Variants in MCC observed in about 807,000 individuals in gnomAD.
MCC encodes MCC regulator of Wnt signaling pathway.
MCC carries 90 observed loss-of-function variants against 116.2 expected under a neutral mutation model. The observed-to-expected ratio is 0.77, with a 90% CI of 0.65 to 0.92. The LOEUF (loss-of-function observed/expected upper bound fraction) is 0.92. MCC is among the 40% of genes least tolerant of loss of function. MCC has a pLI of 0.00. For missense variants in MCC, 1,516 were observed against 1,312.2 expected, an observed-to-expected ratio of 1.16 and a Z score of -2.40; for synonymous variants, 578 against 510.5, an observed-to-expected ratio of 1.13 and a Z score of -1.78.
At chr5:113,073,346 G>A (rs960273424) in intron 11 of MCC, among the ~76,000 whole-genome samples, 1 of 152,224 alleles carries the variant, frequency 6.6e-6, no homozygotes, top group Non-Finnish European at 1.5e-5. Flanking sequence ...ATACCACAAA[G>A]ATTGTGCTGC....
chr5:113,085,004 C>T (rs2150244447), intron 9 of MCC, among the ~76,000 whole-genome samples, 160 bp downstream of exon 9: 1 of 152,370 alleles, frequency 6.6e-6, no homozygotes, highest in South Asian at 2.1e-4. Context: ...TGGGTTATCT[C>T]TCCTTGCAGC....
intron 6 of MCC, among the ~76,000 whole-genome samples, chr5:113,110,489 G>A (rs754285998): frequency 6.6e-5 from 10 of 152,242 alleles, no homozygotes; most frequent in Non-Finnish European, 1.3e-4. Context: ...TACGTGGTGT[G>A]AAGTGATGTG....
At chr5:113,293,944 A>G (rs1412910935) in intron 3 of MCC, among the ~76,000 whole-genome samples, 1 of 152,014 alleles carries the variant, frequency 6.6e-6, no homozygotes, top group African/African-American at 2.4e-5. Flanking sequence ...CAAATTAGTT[A>G]CCGTCGGCTT....
At chr5:113,183,140 G>T (rs932800854) in intron 3 of MCC, among the ~76,000 whole-genome samples, 1 of 152,070 alleles carries the variant, frequency 6.6e-6, no homozygotes, top group African/African-American at 2.4e-5. Flanking sequence ...CGCAGTGGGG[G>T]CTCCAGATCT....
intron 1 of MCC, among the ~76,000 whole-genome samples, chr5:113,426,496 T>C (rs1229622714): frequency 1.3e-5 from 2 of 152,180 alleles, no homozygotes; most frequent in Admixed American, 1.3e-4. Context: ...TGGGAAAGTT[T>C]TTCTTTTTTG....
At chr5:113,327,557 AAAAAATATAT>A (rs1767594319) in intron 3 of MCC, among the ~76,000 whole-genome samples, 1 of 82,106 alleles carries the variant, frequency 1.2e-5, no homozygotes. Flanking sequence ...AAAAAAAAAA[AAAAAATATAT>A]ATATATATAT....
chr5:113,102,341 G>C (rs939892106), intron 7 of MCC, among the ~76,000 whole-genome samples: 2 of 152,216 alleles, frequency 1.3e-5, no homozygotes. Context: ...ACAAACATGA[G>C]GTTGTAAACT....
chr5:113,027,521 C>G (rs1280784648), intron 18 of MCC, 39 bp from the exon 19 acceptor site: 1 of 1,591,890 alleles, frequency 6.3e-7, no homozygotes, highest in Non-Finnish European at 8.6e-7. Context: ...TAAGATTCAT[C>G]CTAAGTAGCA....
At chr5:113,403,948 C>T (rs766620316) in intron 1 of MCC, among the ~76,000 whole-genome samples, 4 of 152,160 alleles carry the variant, frequency 2.6e-5, no homozygotes, top group Non-Finnish European at 5.9e-5. Flanking sequence ...CATACTGCAA[C>T]CTCCGCCTCC....
chr5:113,107,741 G>A (rs1756832567), intron 6 of MCC, among the ~76,000 whole-genome samples: 2 of 152,158 alleles, frequency 1.3e-5, no homozygotes, highest in South Asian at 2.1e-4. Flanking sequence ...ATTCTGTGCT[G>A]ACTTCCCTAG....
At chr5:113,404,084 C>T (rs947760488) in intron 1 of MCC, among the ~76,000 whole-genome samples, 2 of 152,066 alleles carry the variant, frequency 1.3e-5, no homozygotes, top group African/African-American at 4.8e-5. Flanking sequence ...CCAGGCTAGT[C>T]TTGAACTCCT....
intron 11 of MCC, among the ~76,000 whole-genome samples, chr5:113,081,451 A>G (rs2150242117): frequency 6.6e-6 from 1 of 152,286 alleles, no homozygotes; most frequent in Non-Finnish European, 1.5e-5. Flanking sequence ...TACCAGCAAA[A>G]TATTTCCCCC....
chr5:113,213,561 C>T (rs1027021322), intron 3 of MCC, among the ~76,000 whole-genome samples: 13 of 152,090 alleles, frequency 8.5e-5, no homozygotes, highest in Non-Finnish European at 1.6e-4. Context: ...ACTGCTTGGA[C>T]CCTTAATGAT....
chr5:113,341,752 T>C (rs2150379214), intron 2 of MCC, among the ~76,000 whole-genome samples: 1 of 152,322 alleles, frequency 6.6e-6, no homozygotes, highest in Non-Finnish European at 1.5e-5. Flanking sequence ...ATGCCTGGAT[T>C]CCAGAATCAT....
chr5:113,414,525 G>A (rs1342871926), intron 1 of MCC, among the ~76,000 whole-genome samples: 1 of 151,822 alleles, frequency 6.6e-6, no homozygotes, highest in Non-Finnish European at 1.5e-5. Flanking sequence ...TTATGTAATG[G>A]CCTTTGTCTC....
intron 3 of MCC, among the ~76,000 whole-genome samples, chr5:113,318,601 G>A (rs1011476021): frequency 4.6e-5 from 7 of 151,992 alleles, no homozygotes; most frequent in African/African-American, 9.7e-5. Context: ...AATACTGCAC[G>A]TTCTTACTTA....
intron 3 of MCC, among the ~76,000 whole-genome samples, chr5:113,178,082 A>G (rs1761429031): frequency 1.3e-5 from 2 of 152,248 alleles, no homozygotes; most frequent in Admixed American, 1.3e-4. Flanking sequence ...AGGGCTTGCA[A>G]ATCAGAACAC....
At position 113,049,247 on chromosome 5, in the gene MCC, T is replaced by G. The variant is rs977414138; in HGVS notation, c.2501A>C (p.Lys834Thr). 6.2e-7 allele frequency: 1 copy of G among 1,612,716 alleles called. No homozygotes were observed. The highest frequency in any genetic ancestry group is 1.7e-5 in the Admixed American group (1 of 59,870). Residue 834 changes from lysine to threonine, a missense_variant, in exon 16 of 19, where the codon AAG (lysine) becomes ACG (threonine). By Grantham distance (78) the Lys-to-Thr change is moderately conservative. Transcript: ENST00000408903. ...CGTGCTCAGCTTCAGCTCCAGGGCCTTCTTCTCTTTCTCCAGTAGGTAGAG... is the reference window on the plus strand; with the variant it reads ...CGTGCTCAGCTTCAGCTCCAGGGCCGTCTTCTCTTTCTCCAGTAGGTAGAG... ...AQLYLLEKEK[K>T]ALELKLSTRE...
intron 1 of MCC, among the ~76,000 whole-genome samples, chr5:113,419,764 C>T (rs1315777275): frequency 6.7e-6 from 1 of 149,746 alleles, no homozygotes; most frequent in East Asian, 2.0e-4. Context: ...AGCAAACTAT[C>T]TCAGGGACAA....
Sources: gnomAD v4.1 joint callset for allele counts (sites outside exome capture counted in the v4.1 genomes callset) on GRCh38, gnomAD v4.1.1 for gene constraint, MANE v1.5 for transcripts, NCBI Gene and HGNC (gene_info 2026-07-23, HGNC 2026-07-21) for gene names.